STRN: variants seen among roughly 807,000 people sequenced by gnomAD.
STRN encodes the protein protein phosphatase 2 regulatory subunit B'''alpha.
Under a neutral mutation model 96.3 loss-of-function variants are expected in STRN, and 53 were observed. That is an observed-to-expected ratio of 0.55 (90% CI 0.44 to 0.69). STRN has a LOEUF of 0.69. Among genes scored for constraint, STRN ranks in the 30% least tolerant of loss-of-function variants. The pLI, the probability that STRN is intolerant of heterozygous loss-of-function variation, is 0.00. For synonymous variants in STRN, 428 were observed against 355.9 expected (o/e 1.20, Z -2.28); for missense variants, 987 against 963.9 (o/e 1.02, Z -0.32).
chr2:36,894,176 T>C, intron 6 of STRN, 143 bp from the exon 7 acceptor site: 1 of 944,586 alleles, frequency 1.1e-6, no homozygotes. Flanking sequence ...ATCACATAGT[T>C]TTAAAAAATA....
intron 10 of STRN, among the ~76,000 whole-genome samples, chr2:36,870,646 T>C (rs1342871848): frequency 6.6e-6 from 1 of 152,218 alleles, no homozygotes; most frequent in African/African-American, 2.4e-5. Context: ...GCCAGTAGTA[T>C]TAAAGTCTAG....
chr2:36,910,408 G>A (rs1190313346), intron 3 of STRN, among the ~76,000 whole-genome samples: 1 of 152,064 alleles, frequency 6.6e-6, no homozygotes, highest in African/African-American at 2.4e-5. Context: ...GGAGTGTGTG[G>A]TTTATCACAT....
chr2:36,935,986 A>C (rs1428483622), intron 1 of STRN, among the ~76,000 whole-genome samples: 1 of 152,102 alleles, frequency 6.6e-6, no homozygotes, highest in Non-Finnish European at 1.5e-5. Context: ...GTTGGTATTA[A>C]CATGTAAATA....
intron 4 of STRN, among the ~76,000 whole-genome samples, chr2:36,905,293 T>C (rs945558583): frequency 1.3e-5 from 2 of 152,192 alleles, no homozygotes; most frequent in African/African-American, 4.8e-5. Flanking sequence ...TAAAATGTTA[T>C]ATATTCATAC....
chr2:36,908,642 T>C (rs1669884283), intron 3 of STRN, among the ~76,000 whole-genome samples: 1 of 152,138 alleles, frequency 6.6e-6, no homozygotes, highest in Non-Finnish European at 1.5e-5. Context: ...AAAAAGTGTA[T>C]TCTTACACTG....
At chr2:36,904,095 T>C (rs975663261) in intron 4 of STRN, among the ~76,000 whole-genome samples, 3 of 152,166 alleles carry the variant, frequency 2.0e-5, no homozygotes, top group African/African-American at 4.8e-5. Context: ...TATGAAATCA[T>C]TTTTTGTTTA....
chr2:36,914,805 T>C (rs1295049727), intron 3 of STRN, among the ~76,000 whole-genome samples: 2 of 152,110 alleles, frequency 1.3e-5, no homozygotes, highest in African/African-American at 4.8e-5. Flanking sequence ...GTTGGGCAAG[T>C]TTTTCCACTT....
In STRN at chr2:36,893,094, G is replaced by A. The variant is rs80281978; in HGVS notation, c.931+804C>T. Among the ~76,000 whole-genome samples, 785 of 152,024 alleles carry A rather than the reference G, an allele frequency of 5.2e-3. 6 individuals carry two copies. The highest frequency in any genetic ancestry group is 0.018 in the African/African-American group (728 of 41,468). The stretch of plus-strand genomic sequence containing the variant: ...AAAAAAAAAAAGTAAATATACTGCT[G>A]AGCTAGAAAGAAAAACAATGAAAAC... On this transcript the variant is annotated intron_variant, in intron 7 of 17. Coordinates refer to ENST00000263918, the MANE Select transcript of STRN (RefSeq NM_003162.4).
chr2:36,885,191 T>C (rs1160696089), intron 8 of STRN, among the ~76,000 whole-genome samples: 1 of 152,158 alleles, frequency 6.6e-6, no homozygotes, highest in Non-Finnish European at 1.5e-5. Flanking sequence ...AGCAATGCCT[T>C]GATATTTGAC....
At chr2:36,850,863 C>T in intron 16 of STRN, 137 bp downstream of exon 16, 1 of 574,054 alleles carries the variant, frequency 1.7e-6, no homozygotes, top group East Asian at 3.1e-5. Context: ...TGAAGAGAAA[C>T]TGAGACGGGA....
rs1667988002 is a variant in STRN, at chr2:36,843,084, G to A, written c.*6372C>T. 6.6e-6 allele frequency among the ~76,000 whole-genome samples: 1 copy of A among 152,120 alleles called. No individual in the cohort carries two copies. Among genetic ancestry groups the A allele is most frequent in the African/African-American group, 2.4e-5 (1 of 41,428 alleles). ...TTTTGGAGTTTTAATGACCTCCTGA[G>A]ATAGATCTCCAAAATTACTCAAGCT... On this transcript the variant is annotated 3_prime_UTR_variant, in exon 18 of 18. Transcript: ENST00000263918.
chr2:36,843,317 G>A lies in STRN; in HGVS notation c.*6139C>T, dbSNP rs1222945538. 6.6e-6 allele frequency among the ~76,000 whole-genome samples: 1 copy of A among 152,162 alleles called. No individual in the cohort carries two copies. Among genetic ancestry groups the A allele is most frequent in the Admixed American group, 6.6e-5 (1 of 15,264 alleles). ...CCTGATTGGAACAAAAAGACTGTGA[G>A]TTCTGGGCAGGCCAAAGGCCTTGAA... On this transcript the variant is annotated 3_prime_UTR_variant, in exon 18 of 18. Transcript: ENST00000263918.
At chr2:36,881,068 A>AAAAAC (rs3081782) in intron 9 of STRN, among the ~76,000 whole-genome samples, 6,559 of 151,178 alleles carry the variant, frequency 0.043, 228 homozygotes, top group East Asian at 0.12. Flanking sequence ...GCTTTTACCA[A>AAAAAC]AAAACAAAAC....
chr2:36,932,069 C>T (rs914487904), intron 1 of STRN, among the ~76,000 whole-genome samples: 1 of 152,180 alleles, frequency 6.6e-6, no homozygotes, highest in Non-Finnish European at 1.5e-5. Flanking sequence ...ATCCTCTCAC[C>T]TTGGCCTCCC....
At chr2:36,947,397 T>C (rs1318948012) in intron 1 of STRN, among the ~76,000 whole-genome samples, 1 of 151,690 alleles carries the variant, frequency 6.6e-6, no homozygotes, top group African/African-American at 2.4e-5. Context: ...ACAAAGTAAA[T>C]ACTATAAAAT....
intron 1 of STRN, among the ~76,000 whole-genome samples, chr2:36,953,997 G>A (rs1024450238): frequency 6.6e-6 from 1 of 151,876 alleles, no homozygotes; most frequent in Non-Finnish European, 1.5e-5. Flanking sequence ...GAATAGAAGA[G>A]AGACACAGTC....
intron 1 of STRN, among the ~76,000 whole-genome samples, chr2:36,965,390 C>T (rs151277576): frequency 6.6e-6 from 1 of 152,264 alleles, no homozygotes; most frequent in Non-Finnish European, 1.5e-5. Context: ...TTTTCAGAGC[C>T]CACAGTTATC....
At chr2:36,852,362 A>G (rs1013149082) in intron 15 of STRN, among the ~76,000 whole-genome samples, 2 of 152,214 alleles carry the variant, frequency 1.3e-5, no homozygotes, top group African/African-American at 4.8e-5. Context: ...TATTACTGGA[A>G]CAACTCTCAA....
chr2:36,893,096 G>C (rs962710602), intron 7 of STRN, among the ~76,000 whole-genome samples: 5 of 151,936 alleles, frequency 3.3e-5, no homozygotes, highest in African/African-American at 1.2e-4. Context: ...ATACTGCTGA[G>C]CTAGAAAGAA....
Sources: allele counts gnomAD v4.1 joint callset (sites outside exome capture counted in the v4.1 genomes callset), GRCh38; gene constraint gnomAD v4.1.1; transcripts MANE v1.5; gene names NCBI Gene and HGNC (gene_info 2026-07-23, HGNC 2026-07-21).